Variants in ASPRV1 observed in about 807,000 individuals in gnomAD.
ASPRV1 encodes the protein aspartic peptidase retroviral like 1.
A neutral mutation model predicts 11.0 loss-of-function variants in ASPRV1; 7 were observed. The observed-to-expected ratio is 0.64, with a 90% CI of 0.36 to 1.20. The LOEUF is 1.20. Ranked by LOEUF, ASPRV1 falls within the 50% of genes most tolerant of loss-of-function variation. The probability of loss-of-function intolerance (pLI) is 0.02; values close to 1 mark genes in which losing one functional copy is unlikely to be tolerated. For synonymous variants in ASPRV1, 136 were observed against 138.4 expected (o/e 0.98, Z 0.12); for missense variants, 299 against 320.0 (o/e 0.93, Z 0.50).
chr2:69,938,167 G>A, the ASPRV1 span: 146 of 1,614,118 alleles, frequency 9.0e-5, no homozygotes, highest in Non-Finnish European at 1.1e-4. Flanking sequence ...GCAGCAGTGT[G>A]AGCGACTCTG....
the ASPRV1 span, chr2:70,086,854 G>C: frequency 2.0e-5 from 3 of 152,278 alleles, no homozygotes; most frequent in Non-Finnish European, 4.4e-5. Flanking sequence ...GCAGGCGGCC[G>C]TGAGTGGGTT....
At chr2:69,953,525 C>T in the ASPRV1 span, among the ~76,000 whole-genome samples, 1 of 152,188 alleles carries the variant, frequency 6.6e-6, no homozygotes. Context: ...CACAGTGTGA[C>T]TGCGACTGGG....
At chr2:69,956,479 A>AAGAGGAAGAAGAAGAAGAAGAAG (rs1677943889), downstream of ASPRV1, among the ~76,000 whole-genome samples, 2 of 132,014 alleles carry the variant, frequency 1.5e-5, 1 homozygote, top group African/African-American at 7.3e-5. Context: ...AGAAGAAGAA[A>AAGAGGAAGAAGAAGAAGAAGAAG]AGAGGAAGAA....
the ASPRV1 span, among the ~76,000 whole-genome samples, chr2:69,951,648 C>T: frequency 6.6e-6 from 1 of 151,382 alleles, no homozygotes; most frequent in African/African-American, 2.4e-5. Context: ...GCTTTTCCCG[C>T]AAGCCTCACT....
At chr2:70,078,907 C>T in the ASPRV1 span, among the ~76,000 whole-genome samples, 1 of 152,304 alleles carries the variant, frequency 6.6e-6, no homozygotes, top group East Asian at 1.9e-4. Context: ...ACTTAGAAAG[C>T]TATTCCAGTA....
chr2:69,986,645 G>A, the ASPRV1 span, among the ~76,000 whole-genome samples: 1 of 152,194 alleles, frequency 6.6e-6, no homozygotes, highest in Non-Finnish European at 1.5e-5. Context: ...CTCCTCTTCA[G>A]GACCTGGGGA....
At chr2:70,055,602 G>C in the ASPRV1 span, 21 of 152,110 alleles carry the variant, frequency 1.4e-4, no homozygotes, top group Admixed American at 5.2e-4. Flanking sequence ...TACAGAGAAG[G>C]GAATAACACA....
chr2:70,084,446 A>G, the ASPRV1 span, among the ~76,000 whole-genome samples: 2 of 152,150 alleles, frequency 1.3e-5, no homozygotes, highest in Non-Finnish European at 2.9e-5. Flanking sequence ...CAGATTGCCT[A>G]AATTCAAATC....
chr2:69,995,108 G>A, the ASPRV1 span, among the ~76,000 whole-genome samples: 29 of 150,192 alleles, frequency 1.9e-4, no homozygotes, highest in South Asian at 5.3e-3. Context: ...TTTTGCGGCC[G>A]GGTGCAGTGG....
the ASPRV1 span, among the ~76,000 whole-genome samples, chr2:69,993,104 G>C: frequency 6.6e-6 from 1 of 152,198 alleles, no homozygotes; most frequent in Non-Finnish European, 1.5e-5. Context: ...CCAGGGAGTG[G>C]GGAGGAATCA....
chr2:70,074,765 AC>A, the ASPRV1 span, among the ~76,000 whole-genome samples: 1 of 151,696 alleles, frequency 6.6e-6, no homozygotes, highest in African/African-American at 2.4e-5. Context: ...CACAGTCCAT[AC>A]TACCTACTTA....
At chr2:70,032,948 G>A in the ASPRV1 span, among the ~76,000 whole-genome samples, 1 of 152,202 alleles carries the variant, frequency 6.6e-6, no homozygotes, top group African/African-American at 2.4e-5. Context: ...CACAGAGCAG[G>A]ATCTTGGGGA....
chr2:69,996,922 T>C, the ASPRV1 span: 3 of 312,540 alleles, frequency 9.6e-6, no homozygotes, highest in African/African-American at 6.5e-5. Flanking sequence ...AAGTTATTAT[T>C]CATCTTCAGA....
chr2:69,967,131 G>C, the ASPRV1 span, among the ~76,000 whole-genome samples: 1 of 152,180 alleles, frequency 6.6e-6, no homozygotes, highest in Non-Finnish European at 1.5e-5. Flanking sequence ...CAAATAGGTG[G>C]GTTGATTCAA....
chr2:70,020,204 T>C, the ASPRV1 span, among the ~76,000 whole-genome samples: 1 of 152,154 alleles, frequency 6.6e-6, no homozygotes, highest in Non-Finnish European at 1.5e-5. Context: ...TAATTAAAAA[T>C]ATAATTACCA....
At chr2:69,994,920 T>G in the ASPRV1 span, among the ~76,000 whole-genome samples, 2 of 149,444 alleles carry the variant, frequency 1.3e-5, no homozygotes, top group South Asian at 4.3e-4. Flanking sequence ...GAAAATGGCG[T>G]GAACCTGGAA....
the ASPRV1 span, among the ~76,000 whole-genome samples, chr2:70,058,830 G>A: frequency 6.6e-6 from 1 of 151,044 alleles, no homozygotes; most frequent in African/African-American, 2.4e-5. Flanking sequence ...TGGGATTACT[G>A]GCAGAAATTA....
the ASPRV1 span, among the ~76,000 whole-genome samples, chr2:69,980,111 G>GT: frequency 6.6e-6 from 1 of 152,302 alleles, no homozygotes; most frequent in African/African-American, 2.4e-5. Context: ...CAGGGAGCAC[G>GT]TGGGCAGCCT....
chr2:69,961,565 T>C lies in ASPRV1; in HGVS notation c.-129A>G, dbSNP rs906298461. The C allele has an allele frequency of 1.2e-6, 2 of 1,614,070 alleles. No homozygotes were observed. The highest frequency in any genetic ancestry group is 1.7e-6 in the Non-Finnish European group (2 of 1,179,980). On this transcript the variant is annotated 5_prime_UTR_variant, in exon 1 of 1. Coordinates refer to ENST00000320256, the MANE Select transcript of ASPRV1 (RefSeq NM_152792.4). ...AGAGTGGGGATGACTTGCCCGGCCTTGGGCAAGCAGGAGGGAGCAGGCGCG... is the reference window on the plus strand; with the variant it reads ...AGAGTGGGGATGACTTGCCCGGCCTCGGGCAAGCAGGAGGGAGCAGGCGCG...
Sources: allele counts gnomAD v4.1 joint callset (sites outside exome capture counted in the v4.1 genomes callset), GRCh38; gene constraint gnomAD v4.1.1; transcripts MANE v1.5; gene names NCBI Gene and HGNC (gene_info 2026-07-23, HGNC 2026-07-21).